DIDO1: variants seen among roughly 807,000 people sequenced by gnomAD.
DIDO1 encodes death inducer-obliterator 1.
Under a neutral mutation model 99.4 loss-of-function variants are expected in DIDO1, and 16 were observed. That is an observed-to-expected ratio of 0.16 (90% CI 0.11 to 0.24). The LOEUF is 0.24. Ranked by LOEUF, DIDO1 falls within the 10% of genes least tolerant of loss-of-function variation. The pLI is 1.00. For missense variants in DIDO1, 2,996 were observed against 3,014.0 expected, an observed-to-expected ratio of 0.99 and a Z score of 0.14; for synonymous variants, 1,366 against 1,239.1, an observed-to-expected ratio of 1.10 and a Z score of -2.15.
At chr20:62,888,557 A>C in intron 15 of DIDO1, 1 of 985,448 alleles carries the variant, frequency 1.0e-6, no homozygotes, top group South Asian at 4.7e-5. Flanking sequence ...CACCATCAGC[A>C]CCCTCAGGTG....
intron 12 of DIDO1, 105 bp from the exon 13 acceptor site, chr20:62,893,067 T>C (rs2064433813): frequency 1.6e-6 from 2 of 1,288,860 alleles, no homozygotes; most frequent in African/African-American, 3.0e-5. Flanking sequence ...CATTCTGTCA[T>C]GCAGGCTGGA....
Position 62,883,826 on chromosome 20 carries a change from A to G in DIDO1, c.3542-1412T>C, listed in dbSNP as rs192615296. Among the ~76,000 whole-genome samples, 475 of 150,438 alleles carry G rather than the reference A, an allele frequency of 3.2e-3. 2 individuals are homozygous for G. The highest frequency in any genetic ancestry group is 0.011 in the African/African-American group (452 of 41,332). Reference sequence around the variant, plus strand: ...GGGTGACAGAGTGAGACTCTGTCTCAAAAAAACAAAACAAAACAAAAAACA... The same window carrying G: ...GGGTGACAGAGTGAGACTCTGTCTCGAAAAAACAAAACAAAACAAAAAACA... On this transcript the variant is annotated intron_variant, in intron 15 of 15. Transcript: ENST00000395343.
At chr20:62,920,301 G>A (rs896240468) in intron 1 of DIDO1, among the ~76,000 whole-genome samples, 2 of 152,156 alleles carry the variant, frequency 1.3e-5, no homozygotes, top group African/African-American at 4.8e-5. Flanking sequence ...GTTCCTTTAT[G>A]TTCTCCTCGG....
chr20:62,893,400 A>G (rs542076777), intron 12 of DIDO1, among the ~76,000 whole-genome samples: 1 of 152,368 alleles, frequency 6.6e-6, no homozygotes, highest in African/African-American at 2.4e-5. Flanking sequence ...ACTTTAATTA[A>G]AATGATACAG....
At chr20:62,913,582 G>A (rs1568875513) in intron 2 of DIDO1, among the ~76,000 whole-genome samples, 1 of 152,232 alleles carries the variant, frequency 6.6e-6, no homozygotes, top group Non-Finnish European at 1.5e-5. Context: ...GAAGTTTTCT[G>A]CTTGTGCAAG....
At chr20:62,928,587 G>A (rs544407060), upstream of DIDO1, 116 of 152,314 alleles carry the variant, frequency 7.6e-4, no homozygotes, top group Non-Finnish European at 1.0e-4. Flanking sequence ...TCTACAGTCT[G>A]GGTATTTGAA....
intron 4 of DIDO1, among the ~76,000 whole-genome samples, chr20:62,909,280 G>A (rs926531506): frequency 6.6e-6 from 1 of 152,218 alleles, no homozygotes; most frequent in Non-Finnish European, 1.5e-5. Context: ...TAAACATCAG[G>A]GGGAGAGAAT....
In DIDO1 at chr20:62,882,284, G is replaced by A. The variant is rs759142450; in HGVS notation, c.3672C>T (p.Asp1224=). Residue 1224 remains aspartate (D), a synonymous_variant, in exon 16 of 16, where the codon GAC becomes GAT. Coordinates refer to ENST00000395343, the MANE Select transcript of DIDO1 (RefSeq NM_001193369.2). The part of the protein sequence containing the change: ...KRTRLQPEEA[D]VPAYPKVATV... ...TGGCTACTTTTGGATAGGCCGGAAC[G>A]TCCGCTTCTTCCGGTTGAAGTCGGG... is the stretch of plus-strand genomic sequence containing the variant. The A allele has an allele frequency of 9.9e-6, 16 of 1,613,864 alleles. No homozygotes were observed. In the South Asian group the frequency reaches 1.1e-4, roughly 11 times the overall value.
At chr20:62,930,243 T>G (rs1012253774), upstream of DIDO1, among the ~76,000 whole-genome samples, 1 of 151,712 alleles carries the variant, frequency 6.6e-6, no homozygotes, top group Non-Finnish European at 1.5e-5. Context: ...CACAGATCTT[T>G]GTCTACCAAA....
chr20:62,880,913 G>C lies in DIDO1; in HGVS notation c.5043C>G (p.Asp1681Glu), dbSNP rs1387221204. The change falls in exon 16 of 16, where the codon GAC becomes GAG. Residue 1681 changes from aspartate (D) to glutamate (E), a missense_variant. Coordinates refer to ENST00000395343, the MANE Select transcript of DIDO1 (RefSeq NM_001193369.2). ...GFPLQHDGERDPFTCPGFASQ... is the reference protein window; with the variant it reads ...GFPLQHDGEREPFTCPGFASQ... ...ACGCGAACCCCGGGCAGGTGAAAGG[G>C]TCCCTCTCACCGTCGTGCTGCAGCG... The C allele has an allele frequency of 6.2e-7, 1 of 1,610,830 alleles. No individual in the cohort carries two copies. Among genetic ancestry groups the C allele is most frequent in the African/African-American group, 1.3e-5 (1 of 75,066 alleles).
intron 3 of DIDO1, 83 bp downstream of exon 3, chr20:62,910,691 C>T: frequency 1.4e-6 from 2 of 1,470,158 alleles, no homozygotes; most frequent in East Asian, 2.3e-5. Context: ...TCCAGCCCAG[C>T]TTTGTAACCC....
At chr20:62,929,669 G>A (rs183534783), upstream of DIDO1, among the ~76,000 whole-genome samples, 4 of 95,246 alleles carry the variant, frequency 4.2e-5, no homozygotes, top group East Asian at 1.3e-3. Flanking sequence ...GGAGGAGAAC[G>A]TGGATTCCCA....
At chr20:62,901,898 T>C (rs1014103510) in intron 6 of DIDO1, among the ~76,000 whole-genome samples, 2 of 151,918 alleles carry the variant, frequency 1.3e-5, no homozygotes, top group African/African-American at 4.8e-5. Context: ...TTGGAGGAAT[T>C]GTAGCAGGCG....
At chr20:62,883,901 A>G (rs1190172295) in intron 15 of DIDO1, among the ~76,000 whole-genome samples, 1 of 152,168 alleles carries the variant, frequency 6.6e-6, no homozygotes, top group East Asian at 1.9e-4. Flanking sequence ...GCTACTCAGG[A>G]GGCTTGAGGC....
In DIDO1 at chr20:62,911,747, A is replaced by T; in HGVS notation, c.-2-133T>A. 1.4e-6 allele frequency: 1 copy of T among 718,286 alleles called. No homozygotes were observed. Among genetic ancestry groups the T allele is most frequent in the Non-Finnish European group, 2.2e-6 (1 of 455,954 alleles). 44.5% of individuals were successfully genotyped at this position (718,286 alleles called of 1,614,324 possible). A position where few individuals can be genotyped will look rare whatever the true frequency, so the allele number is the denominator to read the frequency against. ...CTACATAAAGCAAGTCCTTCTGACC[A>T]GTGTTTCCTAATGTGTGCTATGTGA... On this transcript the variant is annotated intron_variant, in intron 2 of 15. Coordinates refer to ENST00000395343, the MANE Select transcript of DIDO1 (RefSeq NM_001193369.2). The surrounding 1 kb of genome is among the most constrained non-coding windows in gnomAD (Gnocchi z 7.0).
intron 6 of DIDO1, among the ~76,000 whole-genome samples, chr20:62,898,976 G>A (rs2064599331): frequency 6.6e-6 from 1 of 152,120 alleles, no homozygotes; most frequent in African/African-American, 2.4e-5. Flanking sequence ...GGTTGCAATA[G>A]GTCAGTCAGG....
chr20:62,934,757 T>G (rs1403611082), intron 1 of DIDO1, among the ~76,000 whole-genome samples: 2 of 152,222 alleles, frequency 1.3e-5, no homozygotes, highest in Non-Finnish European at 2.9e-5. Flanking sequence ...ATGGGGAGTT[T>G]TGGCACCTTC....
At chr20:62,886,782 A>ATTT (rs1480210604) in intron 15 of DIDO1, among the ~76,000 whole-genome samples, 2 of 152,256 alleles carry the variant, frequency 1.3e-5, no homozygotes, top group Admixed American at 1.3e-4. Context: ...TCAAAACAAA[A>ATTT]TGTTCACACC....
chr20:62,906,755 C>G (rs572498016), intron 5 of DIDO1, among the ~76,000 whole-genome samples: 4 of 152,040 alleles, frequency 2.6e-5, no homozygotes, highest in Admixed American at 6.5e-5. Flanking sequence ...AAACATGAGA[C>G]AACTCTGAGA....
Sources: allele counts gnomAD v4.1 joint callset (sites outside exome capture counted in the v4.1 genomes callset), GRCh38; gene constraint gnomAD v4.1.1; non-coding constraint Gnocchi (gnomAD v3.1); transcripts MANE v1.5; gene names NCBI Gene and HGNC (gene_info 2026-07-23, HGNC 2026-07-21).